HERC3: variants seen among roughly 807,000 people sequenced by gnomAD.
HERC3 encodes the protein HECT and RLD domain containing E3 ubiquitin protein ligase 3.
A neutral mutation model predicts 129.9 loss-of-function variants in HERC3; 58 were observed. The ratio of observed to expected loss-of-function variants is 0.45; its 90% CI spans 0.36 to 0.56. The LOEUF is 0.56. Among genes scored for constraint, HERC3 ranks in the 20% least tolerant of loss-of-function variants. The probability of loss-of-function intolerance (pLI) is 0.00; values close to 1 mark genes in which losing one functional copy is unlikely to be tolerated. For synonymous variants in HERC3, 430 were observed against 451.0 expected, an observed-to-expected ratio of 0.95 and a Z score of 0.59; for missense variants, 835 against 1,244.2, an observed-to-expected ratio of 0.67 and a Z score of 4.95.
At chr4:88,669,811 A>G (rs1410962782) in intron 14 of HERC3, 49 bp from the exon 15 acceptor site, 1 of 1,516,280 alleles carries the variant, frequency 6.6e-7, no homozygotes, top group African/African-American at 1.4e-5. Context: ...AGACATAAAT[A>G]CTTGCCCAAG....
At chr4:88,602,978 T>C (rs2149186194) in intron 2 of HERC3, among the ~76,000 whole-genome samples, 1 of 152,332 alleles carries the variant, frequency 6.6e-6, no homozygotes, top group African/African-American at 2.4e-5. Flanking sequence ...AAGGTTCTTT[T>C]TATTCATGCT....
At chr4:88,637,123 C>T (rs1277727982) in intron 3 of HERC3, among the ~76,000 whole-genome samples, 1 of 145,256 alleles carries the variant, frequency 6.9e-6, no homozygotes, top group Non-Finnish European at 1.5e-5. Context: ...AGTGAGATGC[C>T]ATCTCAAAAA....
intron 23 of HERC3, among the ~76,000 whole-genome samples, chr4:88,699,033 TCTTCTTCCTCACGCTCCTC>T (rs1735017854): frequency 4.0e-5 from 3 of 75,636 alleles, no homozygotes; most frequent in African/African-American, 2.0e-4. Context: ...CTCTTCACCC[TCTTCTTCCTCACGCTCCTC>T]ACCCTCTTCT....
intron 23 of HERC3, chr4:88,693,500 T>C: frequency 1.0e-6 from 1 of 975,120 alleles, no homozygotes; most frequent in Non-Finnish European, 1.2e-6. Context: ...AGTATTGATC[T>C]ATTTTACTGC....
the HERC3 span, among the ~76,000 whole-genome samples, chr4:88,548,186 T>C: frequency 6.6e-6 from 1 of 152,230 alleles, no homozygotes; most frequent in Non-Finnish European, 1.5e-5. Flanking sequence ...TCTGTATACA[T>C]GTACATTTTT....
chr4:88,530,912 C>T, the HERC3 span, among the ~76,000 whole-genome samples: 1 of 152,172 alleles, frequency 6.6e-6, no homozygotes, highest in African/African-American at 2.4e-5. Context: ...TGCAGTGGTG[C>T]GATTTCAGCT....
intron 2 of HERC3, among the ~76,000 whole-genome samples, chr4:88,600,414 T>G (rs1293266808): frequency 6.6e-6 from 1 of 152,244 alleles, no homozygotes; most frequent in African/African-American, 2.4e-5. Flanking sequence ...TAACCTTTTT[T>G]TATGTGTGTT....
the HERC3 span, chr4:88,523,907 G>A: frequency 5.5e-6 from 3 of 546,692 alleles, no homozygotes; most frequent in Non-Finnish European, 9.4e-6. Context: ...ATAGTCCGGA[G>A]GACAGCCCCA....
At chr4:88,704,717 A>T in intron 25 of HERC3, 107 bp downstream of exon 25, 1 of 702,262 alleles carries the variant, frequency 1.4e-6, no homozygotes, top group Non-Finnish European at 2.5e-6. Flanking sequence ...AATGGTAAAG[A>T]CCAGGTAATT....
chr4:88,583,472 A>G, the HERC3 span, among the ~76,000 whole-genome samples: 1 of 152,012 alleles, frequency 6.6e-6, no homozygotes, highest in African/African-American at 2.4e-5. Flanking sequence ...ATGTAATTAT[A>G]TGTAATTATT....
intron 2 of HERC3, among the ~76,000 whole-genome samples, chr4:88,598,287 C>T (rs1722612570): frequency 6.6e-6 from 1 of 152,104 alleles, no homozygotes; most frequent in Non-Finnish European, 1.5e-5. Flanking sequence ...TAGCATTCAA[C>T]TCACTAGAGC....
At chr4:88,622,971 T>C (rs1245426962) in intron 3 of HERC3, among the ~76,000 whole-genome samples, 2 of 152,070 alleles carry the variant, frequency 1.3e-5, no homozygotes, top group Admixed American at 6.6e-5. Flanking sequence ...TAAGAGTGCC[T>C]ATCTCATAGG....
At chr4:88,537,718 C>G in the HERC3 span, among the ~76,000 whole-genome samples, 1 of 152,194 alleles carries the variant, frequency 6.6e-6, no homozygotes, top group Admixed American at 6.5e-5. Flanking sequence ...TTAGAGATTA[C>G]ATATAAAAAT....
Position 88,664,335 on chromosome 4 carries a change from C to A in HERC3, c.1331+123C>A, listed in dbSNP as rs900327139. The A allele has an allele frequency of 2.2e-5, 16 of 716,036 alleles. No homozygotes were observed. In the African/African-American group the frequency reaches 2.7e-4, roughly 12 times the overall value. 44.4% of individuals were successfully genotyped at this position (716,036 alleles called of 1,614,324 possible). On this transcript the variant is annotated intron_variant, in intron 12 of 25. Coordinates refer to ENST00000402738, the MANE Select transcript of HERC3 (RefSeq NM_014606.3). ...GGGGCTTTAGGATGCTGTGATCATGCCTGTGAATAGCCACTGAATTCCAGC... is the reference window on the plus strand; with the variant it reads ...GGGGCTTTAGGATGCTGTGATCATGACTGTGAATAGCCACTGAATTCCAGC...
chr4:88,564,712 A>G, the HERC3 span, among the ~76,000 whole-genome samples: 21 of 151,970 alleles, frequency 1.4e-4, no homozygotes, highest in African/African-American at 5.1e-4. Flanking sequence ...AGTATTTTTA[A>G]GTTTCATTTC....
chr4:88,680,040 T>G (rs1732595973), intron 19 of HERC3, 53 bp from the exon 20 acceptor site: 1 of 1,519,796 alleles, frequency 6.6e-7, no homozygotes, highest in Non-Finnish European at 8.9e-7. Flanking sequence ...TAAAAAGAGA[T>G]AAAATGTGTC....
chr4:88,680,606 A>G (rs1042247629), intron 20 of HERC3, among the ~76,000 whole-genome samples: 5 of 152,226 alleles, frequency 3.3e-5, no homozygotes, highest in African/African-American at 9.6e-5. Context: ...TGCACACTTT[A>G]TTTTTGAAAC....
At chr4:88,669,622 G>T (rs1047829773) in intron 14 of HERC3, among the ~76,000 whole-genome samples, 3 of 152,172 alleles carry the variant, frequency 2.0e-5, no homozygotes, top group African/African-American at 7.2e-5. Flanking sequence ...TTAACCTTCA[G>T]ATTGAGTCTT....
At chr4:88,532,945 C>T in the HERC3 span, among the ~76,000 whole-genome samples, 2 of 152,152 alleles carry the variant, frequency 1.3e-5, no homozygotes, top group African/African-American at 4.8e-5. Flanking sequence ...ACGAAACGGA[C>T]TTTATTAAGG....
Sources: allele counts gnomAD v4.1 joint callset (sites outside exome capture counted in the v4.1 genomes callset), GRCh38; gene constraint gnomAD v4.1.1; transcripts MANE v1.5; gene names NCBI Gene and HGNC (gene_info 2026-07-23, HGNC 2026-07-21).